The following DLC1 variants were observed in gnomAD, a reference collection of about 807,000 sequenced individuals.
DLC1 encodes rho GTPase-activating protein 7.
DLC1 carries 54 observed loss-of-function variants against 140.3 expected under a neutral mutation model. That is an observed-to-expected ratio of 0.38 (90% confidence interval 0.31 to 0.48). The LOEUF (loss-of-function observed/expected upper bound fraction) is 0.48, where lower values mean the gene tolerates loss of function less well. Among genes scored for constraint, DLC1 ranks in the 20% least tolerant of loss-of-function variants. The pLI is 0.96. For synonymous variants in DLC1, 986 were observed against 728.1 expected (o/e 1.35, Z -5.70); for missense variants, 2,536 against 1,907.0 (o/e 1.33, Z -6.14).
At chr8:13,595,005 C>T (rs1470197446) in intron 1 of DLC1, among the ~76,000 whole-genome samples, 2 of 149,792 alleles carry the variant, frequency 1.3e-5, no homozygotes, top group African/African-American at 5.0e-5. Context: ...GTATAGACTT[C>T]TTCAATTGTT....
intron 5 of DLC1, among the ~76,000 whole-genome samples, chr8:13,188,328 G>A (rs1489523253): frequency 1.4e-5 from 2 of 142,074 alleles, no homozygotes; most frequent in East Asian, 4.4e-4. Flanking sequence ...GTCTACTTTG[G>A]TAGACATTTA....
chr8:13,305,954 T>C (rs2117523216), intron 4 of DLC1, among the ~76,000 whole-genome samples: 1 of 152,330 alleles, frequency 6.6e-6, no homozygotes, highest in Non-Finnish European at 1.5e-5. Flanking sequence ...GCAAATTCGT[T>C]AGTTTCTGGG....
rs749614776 is a variant in DLC1, at chr8:13,100,594, C to G, written c.1743G>C (p.Thr581=). The change falls in exon 9 of 18, where the codon ACG becomes ACC. Residue 581 remains threonine (T), a synonymous_variant. Transcript: ENST00000276297. ...CCTGGCGCTCGCTGAGGTCCATCAG[C>G]GTGCCTCCGGGGCTGGGGCCGTCCT... ...HPKDGPSPGG[T]LMDLSERQEV... is the part of the protein sequence containing the mutation. 5.0e-6 allele frequency: 8 copies of G among 1,613,652 alleles called. No individual in the cohort carries two copies. The East Asian group carries it at 1.8e-4, about 36-fold the overall frequency.
At position 13,401,551 on chromosome 8, in the gene DLC1, C is replaced by T; in HGVS notation, c.1092G>A (p.Gln364=). The part of the protein sequence containing the change: ...SMVLLIMKLD[Q]LDQDIENALS... ...GGGCATTTTCTATGTCCTGATCAAGCTGGTCCAGTTTCATAATCAGCAGCA... is the reference window on the plus strand; with the variant it reads ...GGGCATTTTCTATGTCCTGATCAAGTTGGTCCAGTTTCATAATCAGCAGCA... Residue 364 remains glutamine (Q), a synonymous_variant, in exon 3 of 18, where the codon CAG becomes CAA. Transcript: ENST00000276297. The T allele has an allele frequency of 6.2e-7, 1 of 1,613,640 alleles. No homozygotes were observed. Among genetic ancestry groups the T allele is most frequent in the Non-Finnish European group, 8.5e-7 (1 of 1,180,008 alleles).
intron 1 of DLC1, among the ~76,000 whole-genome samples, chr8:13,538,592 G>A (rs1475247113): frequency 6.6e-6 from 1 of 152,090 alleles, no homozygotes; most frequent in Non-Finnish European, 1.5e-5. Context: ...ACTCTATCTG[G>A]GTATGTGTGG....
chr8:13,272,828 C>T (rs190447798), intron 5 of DLC1, among the ~76,000 whole-genome samples: 7 of 152,180 alleles, frequency 4.6e-5, no homozygotes, highest in African/African-American at 9.7e-5. Context: ...GAGCCGAGAT[C>T]GCGCCACTGC....
At chr8:13,095,002 G>T in intron 11 of DLC1, 45 bp from the exon 12 acceptor site, 2 of 1,613,800 alleles carry the variant, frequency 1.2e-6, no homozygotes, top group Non-Finnish European at 1.7e-6. Context: ...TCACGTGGAC[G>T]CAGTGTTTAC....
intron 1 of DLC1, among the ~76,000 whole-genome samples, chr8:13,561,807 A>G (rs1804253977): frequency 6.6e-6 from 1 of 152,212 alleles, no homozygotes; most frequent in African/African-American, 2.4e-5. Context: ...ATAAATATCC[A>G]ATTTTAAAAA....
At chr8:13,246,617 T>C (rs1338252721) in intron 5 of DLC1, among the ~76,000 whole-genome samples, 3 of 152,058 alleles carry the variant, frequency 2.0e-5, no homozygotes, top group African/African-American at 7.2e-5. Flanking sequence ...TCTCATCAGG[T>C]TCATAATAAA....
At chr8:13,478,867 C>A (rs1431501728) in intron 2 of DLC1, among the ~76,000 whole-genome samples, 1 of 152,210 alleles carries the variant, frequency 6.6e-6, no homozygotes, top group African/African-American at 2.4e-5. Context: ...CTTGAACCCA[C>A]TGAAAATAAG....
chr8:13,547,804 A>G (rs185528504), intron 1 of DLC1, among the ~76,000 whole-genome samples: 7 of 152,096 alleles, frequency 4.6e-5, no homozygotes, highest in African/African-American at 1.7e-4. Context: ...TCCTTTCTCT[A>G]GAGACTTTGT....
intron 2 of DLC1, among the ~76,000 whole-genome samples, chr8:13,421,115 A>T (rs532739844): frequency 1.3e-5 from 2 of 152,300 alleles, no homozygotes; most frequent in African/African-American, 4.8e-5. Context: ...CATGAAAAAG[A>T]CACCATTTTT....
At chr8:13,119,359 CCA>C (rs1380913099) in intron 5 of DLC1, among the ~76,000 whole-genome samples, 2 of 152,128 alleles carry the variant, frequency 1.3e-5, no homozygotes, top group African/African-American at 2.4e-5. Context: ...GTGCTCATCT[CCA>C]CACACACTGC....
intron 2 of DLC1, among the ~76,000 whole-genome samples, chr8:13,429,974 C>T (rs916432887): frequency 1.3e-5 from 2 of 152,096 alleles, no homozygotes; most frequent in Non-Finnish European, 2.9e-5. Flanking sequence ...ATAGGTGGTT[C>T]TTAACCATGA....
intron 5 of DLC1, among the ~76,000 whole-genome samples, chr8:13,222,894 C>G (rs1828623775): frequency 6.6e-6 from 1 of 152,082 alleles, no homozygotes. Context: ...CAGGCACACA[C>G]CACTATACCC....
chr8:13,503,494 C>A (rs1801915091), intron 1 of DLC1, among the ~76,000 whole-genome samples: 1 of 152,154 alleles, frequency 6.6e-6, no homozygotes, highest in Admixed American at 6.5e-5. Context: ...ATCAAATGAT[C>A]ATGCTCTATT....
intron 2 of DLC1, among the ~76,000 whole-genome samples, chr8:13,448,512 GC>G (rs1798899295): frequency 6.6e-6 from 1 of 151,822 alleles, no homozygotes; most frequent in Admixed American, 6.6e-5. Flanking sequence ...ACAGGTGTGC[GC>G]CACCACACCC....
intron 2 of DLC1, among the ~76,000 whole-genome samples, chr8:13,405,443 A>G (rs1256106191): frequency 6.6e-6 from 1 of 152,202 alleles, no homozygotes; most frequent in Non-Finnish European, 1.5e-5. Context: ...TGGACACTTC[A>G]CTCAACACCA....
chr8:13,280,287 C>CAAAAAAAAAAAAAAA (rs55791933), intron 5 of DLC1, among the ~76,000 whole-genome samples: 3 of 65,350 alleles, frequency 4.6e-5, no homozygotes, highest in Admixed American at 2.2e-4. Context: ...GACTCCATCT[C>CAAAAAAAAAAAAAAA]AAAAAAAAAA....
Sources: allele counts gnomAD v4.1 joint callset (sites outside exome capture counted in the v4.1 genomes callset), GRCh38; gene constraint gnomAD v4.1.1; transcripts MANE v1.5; gene names NCBI Gene and HGNC (gene_info 2026-07-23, HGNC 2026-07-21).